Variants in MED4 observed in about 807,000 individuals in gnomAD.
MED4 encodes the protein mediator complex subunit 4.
Under a neutral mutation model 35.0 loss-of-function variants are expected in MED4, and 21 were observed. The ratio of observed to expected loss-of-function variants is 0.60; its 90% CI spans 0.43 to 0.86. The LOEUF (loss-of-function observed/expected upper bound fraction) is 0.86. MED4 is among the 40% of genes least tolerant of loss of function. The pLI is 0.00. For missense variants in MED4, 300 were observed against 319.4 expected (o/e 0.94, Z 0.46); for synonymous variants, 138 against 114.0 (o/e 1.21, Z -1.34).
chr13:48,093,442 G>A (rs1950903784), intron 1 of MED4: 2 of 297,154 alleles, frequency 6.7e-6, no homozygotes, highest in East Asian at 9.6e-5. Context: ...AATATGTAAG[G>A]TATATTCGTG....
Position 48,076,946 on chromosome 13 carries a change from C to A in MED4, c.*193G>T. 3 of 481,058 alleles carry A rather than the reference C, an allele frequency of 6.2e-6. No homozygotes were observed. Among genetic ancestry groups the A allele is most frequent in the Non-Finnish European group, 1.1e-5 (3 of 277,258 alleles). The allele number at this position is 481,058 out of a possible 1,614,324, so 29.8% of individuals were successfully genotyped here. On this transcript the variant is annotated 3_prime_UTR_variant, in exon 7 of 7. Coordinates refer to ENST00000258648, the MANE Select transcript of MED4 (RefSeq NM_014166.4). ...ATTCCCCTAAATATCTACCTAGTGGCTTAAAACTAAAACTATGGTCTTTGG... is the reference window on the plus strand; with the variant it reads ...ATTCCCCTAAATATCTACCTAGTGGATTAAAACTAAAACTATGGTCTTTGG...
intron 3 of MED4, among the ~76,000 whole-genome samples, chr13:48,083,734 T>C (rs972710711): frequency 2.0e-5 from 3 of 152,234 alleles, no homozygotes; most frequent in Middle Eastern, 3.2e-3. Context: ...ACCCAGACTA[T>C]GGACGACCCC....
In MED4 at chr13:48,094,995, C is replaced by T; in HGVS notation, c.84G>A (p.Glu28=). Reference sequence around the variant, plus strand: ...AGTCCTCAAGCGCAGACAGCAGCCGCTCTCGTGTGCTGTTACCACCCGCCA... The same window carrying T: ...AGTCCTCAAGCGCAGACAGCAGCCGTTCTCGTGTGCTGTTACCACCCGCCA... The part of the protein sequence containing the change: ...LGVAGGNSTR[E]RLLSALEDLE... The change falls in exon 1 of 7, where the codon GAG becomes GAA. Residue 28 remains glutamate (E), a synonymous_variant. Transcript: ENST00000258648. 1 of 1,604,136 alleles carries T rather than the reference C, an allele frequency of 6.2e-7. No individual in the cohort carries two copies. Among genetic ancestry groups the T allele is most frequent in the Non-Finnish European group, 8.5e-7 (1 of 1,179,850 alleles).
Position 48,095,080 on chromosome 13 carries a change from T to C in MED4, c.-2A>G, listed in dbSNP as rs2137846101. ...CTCACCACTCGAAGACGCAGCCATT[T>C]TCCCCAGAGTCCCGCCACCGGCGCA... On this transcript the variant is annotated 5_prime_UTR_variant, in exon 1 of 7. Coordinates refer to ENST00000258648, the MANE Select transcript of MED4 (RefSeq NM_014166.4). The C allele has an allele frequency of 1.2e-6, 2 of 1,602,730 alleles. No homozygotes were observed. Among genetic ancestry groups the C allele is most frequent in the Non-Finnish European group, 1.7e-6 (2 of 1,179,816 alleles).
chr13:48,077,159 T>A lies in MED4; in HGVS notation c.793A>T (p.Ser265Cys). The change falls in exon 7 of 7, where the codon AGT (serine) becomes TGT (cysteine). Residue 265 changes from serine (S) to cysteine (C), a missense_variant. By Grantham distance (112) the Ser-to-Cys change is moderately radical. Transcript: ENST00000258648. ...GTTTTTCAATCAGACTCACTACTAC[T>A]GCTTGAGGAGTCCGTTGACATAATC... ...VEIMSTDSSS[S>C]SSESD 6.2e-7 allele frequency: 1 copy of A among 1,609,604 alleles called. No homozygotes were observed. The highest frequency in any genetic ancestry group is 8.5e-7 in the Non-Finnish European group (1 of 1,178,454).
intron 2 of MED4, among the ~76,000 whole-genome samples, chr13:48,087,844 C>T (rs530780388): frequency 1.5e-3 from 229 of 149,812 alleles, no homozygotes; most frequent in African/African-American, 5.4e-3. Flanking sequence ...AGCAAGACTT[C>T]GTCTCAGGAA....
At chr13:48,088,736 C>T (rs1371948857) in intron 2 of MED4, among the ~76,000 whole-genome samples, 1 of 152,180 alleles carries the variant, frequency 6.6e-6, no homozygotes, top group Non-Finnish European at 1.5e-5. Flanking sequence ...CTACCTCATC[C>T]GTCCACCCTG....
At chr13:48,080,103 C>A in intron 5 of MED4, 128 bp from the exon 6 acceptor site, 1 of 1,062,446 alleles carries the variant, frequency 9.4e-7, no homozygotes. Flanking sequence ...TTTTGAAATA[C>A]AGAAGTCATC....
chr13:48,076,095 T>C lies in MED4; in HGVS notation c.*1044A>G, dbSNP rs555334296. The C allele has an allele frequency of 6.6e-6, 1 of 152,364 alleles. No homozygotes were observed. The highest frequency in any genetic ancestry group is 6.5e-5 in the Admixed American group (1 of 15,310). 9.4% of individuals were successfully genotyped at this position (152,364 alleles called of 1,614,324 possible). On this transcript the variant is annotated 3_prime_UTR_variant, in exon 7 of 7. Coordinates refer to ENST00000258648, the MANE Select transcript of MED4 (RefSeq NM_014166.4). Reference sequence around the variant, plus strand: ...CTTTAAAAAAATCTACACTACAATATGAATTGATATTATCTCTGGGTAGAA... The same window carrying C: ...CTTTAAAAAAATCTACACTACAATACGAATTGATATTATCTCTGGGTAGAA...
At chr13:48,088,675 A>G (rs1950869802) in intron 2 of MED4, among the ~76,000 whole-genome samples, 1 of 152,242 alleles carries the variant, frequency 6.6e-6, no homozygotes, top group Admixed American at 6.5e-5. Context: ...GAAAAAAATT[A>G]TTCAACTAAA....
Position 48,081,683 on chromosome 13 carries a change from G to A in MED4, c.470C>T (p.Ala157Val). 6.2e-7 allele frequency: 1 copy of A among 1,612,284 alleles called. No homozygotes were observed. Among genetic ancestry groups the A allele is most frequent in the Non-Finnish European group, 8.5e-7 (1 of 1,179,304 alleles). The part of the protein sequence containing the change: ...EIIKYAHRIS[A>V]SNAVCAPLTW... ...CAGTGGAGCACATACAGCATTACTTGCACTGATCCTATGTGCATACTTAAT... is the reference window on the plus strand; with the variant it reads ...CAGTGGAGCACATACAGCATTACTTACACTGATCCTATGTGCATACTTAAT... Residue 157 changes from alanine to valine, a missense_variant, in exon 5 of 7, where the codon GCA becomes GTA. Ala to Val is a moderately conservative substitution (Grantham distance 64, BLOSUM62 0). Transcript: ENST00000258648.
chr13:48,094,615 C>A (rs1950913690), intron 1 of MED4, among the ~76,000 whole-genome samples: 1 of 152,134 alleles, frequency 6.6e-6, no homozygotes, highest in Non-Finnish European at 1.5e-5. Context: ...ACACATCTGT[C>A]TCTCTCTCGA....
rs778092902 is a variant in MED4 at position 48,086,241 on chromosome 13, A to G, written c.363+41T>C. 7.6e-6 allele frequency: 12 copies of G among 1,573,992 alleles called. No individual in the cohort carries two copies. In the South Asian group the frequency reaches 1.0e-4, roughly 13 times the overall value. ...AGATTTTTCAGAAACAGATTAAACA[A>G]CATCCTTTTTAACCTTAAGAACCAA... On this transcript the variant is annotated intron_variant, in intron 3 of 6. Coordinates refer to ENST00000258648, the MANE Select transcript of MED4 (RefSeq NM_014166.4).
intron 5 of MED4, among the ~76,000 whole-genome samples, chr13:48,080,811 A>G (rs1950802884): frequency 6.6e-6 from 1 of 152,104 alleles, no homozygotes; most frequent in Non-Finnish European, 1.5e-5. Context: ...TGTCTAAGAT[A>G]AAACCTTTTT....
Position 48,081,526 on chromosome 13 carries a change from A to C in MED4, c.508+119T>G, listed in dbSNP as rs1950808056. 4 of 566,506 alleles carry C rather than the reference A, an allele frequency of 7.1e-6. No homozygotes were observed. In the Admixed American group the frequency reaches 1.2e-4, roughly 17 times the overall value. 35.1% of individuals were successfully genotyped at this position (566,506 alleles called of 1,614,324 possible). ...ACTTATAAACCATTAAAGATGTGAA[A>C]ATATGTGGCAGAGGTTTCTAAGGAT... On this transcript the variant is annotated intron_variant, in intron 5 of 6. Transcript: ENST00000258648.
rs1441283275 is a variant in MED4 at position 48,094,902 on chromosome 13, G to C, written c.125+52C>G. On this transcript the variant is annotated intron_variant, in intron 1 of 6. Coordinates refer to ENST00000258648, the MANE Select transcript of MED4 (RefSeq NM_014166.4). ...ACAAACGCAGGGCCGGCCGGCTCCG[G>C]GGTCAGTCCCCCGGCCCAGCTCCAG... is the stretch of plus-strand genomic sequence containing the variant. 12 of 1,585,680 alleles carry C rather than the reference G, an allele frequency of 7.6e-6. No individual in the cohort carries two copies. The South Asian group carries it at 1.2e-4, about 16-fold the overall frequency.
At chr13:48,079,644 G>C (rs969327997) in intron 6 of MED4, 200 bp downstream of exon 6, 19 of 495,290 alleles carry the variant, frequency 3.8e-5, no homozygotes, top group Non-Finnish European at 4.9e-5. Context: ...GGAGGCTGAG[G>C]CACAAGAATC....
At chr13:48,094,325 TATC>T (rs1045594402) in intron 1 of MED4, among the ~76,000 whole-genome samples, 2 of 152,120 alleles carry the variant, frequency 1.3e-5, no homozygotes, top group Non-Finnish European at 2.9e-5. Flanking sequence ...TTGAAAGACT[TATC>T]ATGAAAGGTG....
chr13:48,081,368 A>G (rs889211723), intron 5 of MED4, among the ~76,000 whole-genome samples: 3 of 152,248 alleles, frequency 2.0e-5, no homozygotes, highest in African/African-American at 7.2e-5. Context: ...CCAAAGCTTT[A>G]GAAGCATCAC....
Sources: allele counts gnomAD v4.1 joint callset (sites outside exome capture counted in the v4.1 genomes callset), GRCh38; gene constraint gnomAD v4.1.1; transcripts MANE v1.5; gene names NCBI Gene and HGNC (gene_info 2026-07-23, HGNC 2026-07-21).